PATL2: variants seen among roughly 807,000 people sequenced by gnomAD.
The protein encoded by PATL2 is protein PAT1 homolog 2.
Under a neutral mutation model 77.0 loss-of-function variants are expected in PATL2, and 73 were observed. The ratio of observed to expected loss-of-function variants is 0.95; its 90% confidence interval spans 0.78 to 1.15. The LOEUF is 1.15. Ranked by LOEUF, PATL2 falls within the 50% of genes most tolerant of loss-of-function variation. PATL2 has a pLI of 0.00. For synonymous variants in PATL2, 265 were observed against 257.1 expected (o/e 1.03, Z -0.29); for missense variants, 618 against 655.4 (o/e 0.94, Z 0.62).
Position 44,675,705 on chromosome 15 carries a change from T to G in PATL2, c.17-14A>C. 1 of 1,540,218 alleles carries G rather than the reference T, an allele frequency of 6.5e-7. No individual in the cohort carries two copies. The highest frequency in any genetic ancestry group is 8.8e-7 in the Non-Finnish European group (1 of 1,141,354). The stretch of plus-strand genomic sequence containing the variant: ...TCTTACCTGGCCCTTGGTTTAAGTG[T>G]GGGCCAGAGGAGAAGGTAAGATGGG... On this transcript the variant is annotated splice_polypyrimidine_tract_variant and intron_variant, in intron 4 of 17. Coordinates refer to ENST00000682850, the MANE Select transcript of PATL2 (RefSeq NM_001387263.1).
intron 6 of PATL2, 32 bp from the exon 7 acceptor site, chr15:44,673,409 G>A (rs567896363): frequency 7.7e-6 from 12 of 1,549,628 alleles, no homozygotes; most frequent in Middle Eastern, 1.7e-4. Context: ...CTGGGAGAAC[G>A]CCATCTCCAC....
rs750849097 is a variant in PATL2 at position 44,667,109 on chromosome 15, G to A, written c.1460C>T (p.Ala487Val). ...SLEEPNSDHT[A>V]WTDMVVLIAW... ...TACAAGGCCTTTATGATCTTACCAA[G>A]CTGTATGGTCACTGTTGGGTTCCTC... Residue 487 changes from alanine (A) to valine (V), a missense_variant, in exon 16 of 18, where the codon GCT becomes GTT. By Grantham distance (64) the Ala-to-Val change is moderately conservative. Transcript: ENST00000682850. The A allele has an allele frequency of 1.3e-6, 2 of 1,549,938 alleles. No homozygotes were observed. The highest frequency in any genetic ancestry group is 8.7e-7 in the Non-Finnish European group (1 of 1,145,556).
intron 3 of PATL2, among the ~76,000 whole-genome samples, chr15:44,707,741 C>G (rs1473295318): frequency 1.3e-5 from 2 of 152,222 alleles, no homozygotes; most frequent in East Asian, 3.8e-4. Context: ...CAGCTAGTGT[C>G]TCACTAGGTT....
Position 44,674,034 on chromosome 15 carries a change from C to T in PATL2, c.303+116G>A, listed in dbSNP as rs1036638731. On this transcript the variant is annotated intron_variant, in intron 6 of 17. Coordinates refer to ENST00000682850, the MANE Select transcript of PATL2 (RefSeq NM_001387263.1). ...TCCTCTATGATGGGGCAACTCCCAC[C>T]TCCCACACCCATACCTCACTTTGGG... is the stretch of plus-strand genomic sequence containing the variant. 5 of 977,306 alleles carry T rather than the reference C, an allele frequency of 5.1e-6. No individual in the cohort carries two copies. In the South Asian group the frequency reaches 6.9e-5, roughly 14 times the overall value. 60.5% of individuals were successfully genotyped at this position (977,306 alleles called of 1,614,324 possible). A position where few individuals can be genotyped will look rare whatever the true frequency, so the allele number is the denominator to read the frequency against.
intron 3 of PATL2, among the ~76,000 whole-genome samples, chr15:44,684,026 A>G (rs984130835): frequency 1.4e-4 from 21 of 152,172 alleles, no homozygotes; most frequent in African/African-American, 4.8e-4. Flanking sequence ...AAGGAAAACT[A>G]ACAAACAGAA....
At chr15:44,671,230 C>T (rs1397641917) in intron 9 of PATL2, among the ~76,000 whole-genome samples, 1 of 152,196 alleles carries the variant, frequency 6.6e-6, no homozygotes, top group Non-Finnish European at 1.5e-5. Context: ...TTGCTCATGC[C>T]TGTAATCTCA....
intron 3 of PATL2, among the ~76,000 whole-genome samples, chr15:44,688,966 A>T (rs2086324276): frequency 1.3e-5 from 2 of 152,272 alleles, no homozygotes; most frequent in Non-Finnish European, 2.9e-5. Flanking sequence ...TATCCATCTG[A>T]CAAAGGGCTA....
rs1357109926 is a variant in PATL2 at position 44,673,355 on chromosome 15, A to T, written c.326T>A (p.Ile109Asn). 3 of 1,551,660 alleles carry T rather than the reference A, an allele frequency of 1.9e-6. No individual in the cohort carries two copies. The highest frequency in any genetic ancestry group is 2.6e-6 in the Non-Finnish European group (3 of 1,146,968). Residue 109 changes from isoleucine (I) to asparagine (N), a missense_variant, in exon 7 of 18, where the codon ATC becomes AAC. By Grantham distance (149) the Ile-to-Asn change is moderately radical. Transcript: ENST00000682850. Reference sequence around the variant, plus strand: ...GCTGGGAAATGTAGGCCAGAAAGGGATGGGCGACAGGTAGTCCAAGGTCTG... The same window carrying T: ...GCTGGGAAATGTAGGCCAGAAAGGGTTGGGCGACAGGTAGTCCAAGGTCTG... ...LWQTLDYLSP[I>N]PFWPTFPSTS...
chr15:44,675,633 C>G lies in PATL2; in HGVS notation c.75G>C (p.Gln25His), dbSNP rs1031618590. ...ASEEELVSAC[Q>H]LEKEEENEGE... The stretch of plus-strand genomic sequence containing the variant: ...CTTCATTCTCTTCTTCTTTTTCCAA[C>G]TGGCAGGCAGACACCAGCTCCTCCT... The change falls in exon 5 of 18, where the codon CAG becomes CAC. Residue 25 changes from glutamine to histidine, a missense_variant. Coordinates refer to ENST00000682850, the MANE Select transcript of PATL2 (RefSeq NM_001387263.1). 13 of 1,551,734 alleles carry G rather than the reference C, an allele frequency of 8.4e-6. No homozygotes were observed. Among genetic ancestry groups the G allele is most frequent in the Non-Finnish European group, 8.7e-6 (10 of 1,147,042 alleles).
intron 3 of PATL2, among the ~76,000 whole-genome samples, chr15:44,697,032 G>A (rs1034356311): frequency 1.3e-5 from 2 of 152,098 alleles, no homozygotes; most frequent in African/African-American, 2.4e-5. Flanking sequence ...TAACCAAGAG[G>A]TACTTTGGAG....
At chr15:44,694,957 G>A (rs1304438749) in intron 3 of PATL2, among the ~76,000 whole-genome samples, 4 of 151,936 alleles carry the variant, frequency 2.6e-5, no homozygotes, top group Admixed American at 6.6e-5. Flanking sequence ...AAGAGTCATC[G>A]TCCACCACCC....
chr15:44,702,736 T>G (rs2086654753), intron 3 of PATL2, among the ~76,000 whole-genome samples: 1 of 151,986 alleles, frequency 6.6e-6, no homozygotes, highest in South Asian at 2.1e-4. Context: ...CCTTCTTAAT[T>G]TCTTTGTTGA....
Position 44,668,359 on chromosome 15 carries a change from C to A in PATL2, c.1348G>T (p.Val450Leu). Reference protein sequence around the residue: ...PPGSSERPVTVVLQNQFGISL... With the variant: ...PPGSSERPVTLVLQNQFGISL... ...CATGTTACCTGATTCTGAAGCACCA[C>A]GGTGACTGGCCGCTCTGAGGAGCCA... Residue 450 changes from valine (V) to leucine (L), a missense_variant, in exon 15 of 18, where the codon GTG becomes TTG. Physicochemically the swap from Val to Leu is conservative, Grantham distance 32 (BLOSUM62 1). Transcript: ENST00000682850. 1 of 1,550,962 alleles carries A rather than the reference C, an allele frequency of 6.4e-7. No individual in the cohort carries two copies. Among genetic ancestry groups the A allele is most frequent in the Non-Finnish European group, 8.7e-7 (1 of 1,146,954 alleles).
At chr15:44,669,930 T>C in intron 10 of PATL2, 37 bp downstream of exon 10, 1 of 1,550,154 alleles carries the variant, frequency 6.5e-7, no homozygotes, top group Non-Finnish European at 8.7e-7. Flanking sequence ...TCCACCCAGA[T>C]GCCCAGCCCA....
At chr15:44,683,790 T>C (rs2086189351) in intron 3 of PATL2, among the ~76,000 whole-genome samples, 1 of 152,090 alleles carries the variant, frequency 6.6e-6, no homozygotes, top group South Asian at 2.1e-4. Context: ...CCCCCATGCC[T>C]CCTGACTGGG....
intron 8 of PATL2, 65 bp from the exon 9 acceptor site, chr15:44,672,221 G>A (rs561916390): frequency 1.9e-6 from 3 of 1,550,212 alleles, no homozygotes; most frequent in Non-Finnish European, 2.6e-6. Context: ...GGAGTGTGGT[G>A]AGCAGGAAGT....
intron 3 of PATL2, 52 bp from the exon 4 acceptor site, chr15:44,676,617 A>G: frequency 1.4e-6 from 2 of 1,444,448 alleles, no homozygotes; most frequent in South Asian, 1.2e-5. Context: ...TAAGGATGAC[A>G]TGGCACCCTA....
At chr15:44,701,838 G>A (rs1016364215) in intron 3 of PATL2, among the ~76,000 whole-genome samples, 1 of 152,008 alleles carries the variant, frequency 6.6e-6, no homozygotes, top group African/African-American at 2.4e-5. Flanking sequence ...ACCTCAGGGA[G>A]CTTTTACTCA....
chr15:44,703,127 T>G (rs1196870196), intron 3 of PATL2, among the ~76,000 whole-genome samples: 1 of 151,954 alleles, frequency 6.6e-6, no homozygotes, highest in Non-Finnish European at 1.5e-5. Flanking sequence ...TACAAAAAAA[T>G]TAGCTGGGCA....
Sources: gnomAD v4.1 joint callset for allele counts (sites outside exome capture counted in the v4.1 genomes callset) on GRCh38, gnomAD v4.1.1 for gene constraint, MANE v1.5 for transcripts, NCBI Gene and HGNC (gene_info 2026-07-23, HGNC 2026-07-21) for gene names.